The following CAMTA1 variants were observed in gnomAD, a reference collection of about 807,000 sequenced individuals.
CAMTA1 encodes calmodulin-binding transcription activator 1.
A neutral mutation model predicts 170.9 loss-of-function variants in CAMTA1; 27 were observed. The observed-to-expected ratio is 0.16, with a 90% CI of 0.12 to 0.22. The LOEUF (loss-of-function observed/expected upper bound fraction) is 0.22. Among genes scored for constraint, CAMTA1 ranks in the 10% least tolerant of loss-of-function variants. CAMTA1 has a pLI of 1.00. For missense variants in CAMTA1, 1,619 were observed against 2,217.2 expected (o/e 0.73, Z 5.42); for synonymous variants, 833 against 891.5 (o/e 0.93, Z 1.17).
At chr1:6,947,727 T>A (rs571421529) in intron 3 of CAMTA1, among the ~76,000 whole-genome samples, 2 of 152,320 alleles carry the variant, frequency 1.3e-5, no homozygotes, top group African/African-American at 4.8e-5. Context: ...TTTCAGAGTA[T>A]AAGTTTTGCA....
At chr1:7,079,514 C>T (rs1639739315) in intron 3 of CAMTA1, among the ~76,000 whole-genome samples, 1 of 152,004 alleles carries the variant, frequency 6.6e-6, no homozygotes, top group Non-Finnish European at 1.5e-5. Flanking sequence ...ACTCTGTCAT[C>T]CAGGCTGGAG....
chr1:7,618,499 ACTGACT>A (rs2095575448), intron 6 of CAMTA1, among the ~76,000 whole-genome samples: 1 of 152,192 alleles, frequency 6.6e-6, no homozygotes, highest in South Asian at 2.1e-4. Flanking sequence ...TGCCCCAAAG[ACTGACT>A]CTGTACTGTT....
intron 3 of CAMTA1, among the ~76,000 whole-genome samples, chr1:6,851,875 G>A (rs11582585): frequency 0.012 from 1,807 of 151,838 alleles, 11 homozygotes; most frequent in Middle Eastern, 0.02. Context: ...TTAGCCGGGC[G>A]TGGTGGTGCA....
At chr1:6,817,161 C>G (rs929343699) in intron 1 of CAMTA1, among the ~76,000 whole-genome samples, 4 of 152,158 alleles carry the variant, frequency 2.6e-5, no homozygotes, top group Admixed American at 2.6e-4. Context: ...GTATAAAAAT[C>G]CTTTTTTATG....
intron 6 of CAMTA1, among the ~76,000 whole-genome samples, chr1:7,638,050 T>C (rs974096188): frequency 3.9e-5 from 6 of 152,224 alleles, no homozygotes; most frequent in Non-Finnish European, 8.8e-5. Flanking sequence ...ACATTGGTCA[T>C]GGTGTGGTCT....
intron 6 of CAMTA1, among the ~76,000 whole-genome samples, chr1:7,544,762 A>G (rs928695179): frequency 1.3e-5 from 2 of 152,202 alleles, no homozygotes; most frequent in African/African-American, 2.4e-5. Flanking sequence ...GCTTCCACTC[A>G]TGGTGGAAGG....
intron 6 of CAMTA1, among the ~76,000 whole-genome samples, chr1:7,621,960 G>C (rs951083791): frequency 6.6e-6 from 1 of 152,220 alleles, no homozygotes; most frequent in Non-Finnish European, 1.5e-5. Context: ...GGGTGACCTC[G>C]TGTGACCTTG....
intron 5 of CAMTA1, among the ~76,000 whole-genome samples, chr1:7,431,115 G>T (rs1181540763): frequency 6.6e-6 from 1 of 152,226 alleles, no homozygotes; most frequent in East Asian, 1.9e-4. Context: ...GGAAGTGCAG[G>T]ACACTTTATG....
chr1:7,054,638 C>T (rs973992957), intron 3 of CAMTA1, among the ~76,000 whole-genome samples: 4 of 152,232 alleles, frequency 2.6e-5, no homozygotes, highest in African/African-American at 4.8e-5. Flanking sequence ...TGGCAGAGAG[C>T]GACTGAGGGG....
intron 11 of CAMTA1, among the ~76,000 whole-genome samples, chr1:7,724,397 T>C (rs2096669444): frequency 6.6e-6 from 1 of 152,210 alleles, no homozygotes; most frequent in Non-Finnish European, 1.5e-5. Context: ...ATATGGGAAC[T>C]CTACGATCTT....
chr1:7,002,528 A>G (rs1267182425), intron 3 of CAMTA1, among the ~76,000 whole-genome samples: 4 of 152,236 alleles, frequency 2.6e-5, no homozygotes, highest in African/African-American at 7.2e-5. Context: ...CACGGGGTCT[A>G]ATAAGAATAC....
At chr1:6,942,203 A>G (rs1290276440) in intron 3 of CAMTA1, among the ~76,000 whole-genome samples, 1 of 152,110 alleles carries the variant, frequency 6.6e-6, no homozygotes, top group African/African-American at 2.4e-5. Context: ...TTTTTAATCA[A>G]CTATGGCAAG....
chr1:7,414,570 T>C (rs1347911553), intron 5 of CAMTA1, among the ~76,000 whole-genome samples: 3 of 152,230 alleles, frequency 2.0e-5, no homozygotes, highest in African/African-American at 7.2e-5. Flanking sequence ...TATTCTCTGA[T>C]GGTATTTTGT....
intron 5 of CAMTA1, among the ~76,000 whole-genome samples, chr1:7,284,371 T>G (rs1445961194): frequency 6.6e-6 from 1 of 151,580 alleles, no homozygotes; most frequent in Non-Finnish European, 1.5e-5. Flanking sequence ...GCCCAGCTAA[T>G]TTTTGTATTT....
At position 6,887,518 on chromosome 1, in the gene CAMTA1, T is replaced by G; in HGVS notation, c.234+62308T>G. The G allele has an allele frequency of 7.5e-7, 1 of 1,329,290 alleles. No homozygotes were observed. The highest frequency in any genetic ancestry group is 1.5e-5 in the South Asian group (1 of 68,432). 82.3% of individuals were successfully genotyped at this position (1,329,290 alleles called of 1,614,324 possible). ...TTCATCTGTATACGTATGTGTGTGT[T>G]TAATATATACTTTAGTTTGCCTTTA... is the stretch of plus-strand genomic sequence containing the variant. On this transcript the variant is annotated intron_variant, in intron 3 of 22. Coordinates refer to ENST00000303635, the MANE Select transcript of CAMTA1 (RefSeq NM_015215.4). The surrounding 1 kb of genome is among the most constrained non-coding windows in gnomAD (Gnocchi z 4.1).
intron 7 of CAMTA1, among the ~76,000 whole-genome samples, chr1:7,651,534 C>T (rs1157208352): frequency 6.6e-6 from 1 of 152,274 alleles, no homozygotes; most frequent in Non-Finnish European, 1.5e-5. Flanking sequence ...TTCTGGAGTT[C>T]TCTCTGTCTC....
chr1:7,648,723 A>G (rs1006543276), intron 7 of CAMTA1, among the ~76,000 whole-genome samples: 4 of 152,194 alleles, frequency 2.6e-5, no homozygotes, highest in Non-Finnish European at 5.9e-5. Flanking sequence ...AGAAAGCCTG[A>G]GCAGAGACAA....
intron 3 of CAMTA1, among the ~76,000 whole-genome samples, chr1:6,964,525 T>G (rs1011895992): frequency 2.6e-5 from 4 of 152,170 alleles, no homozygotes; most frequent in African/African-American, 9.7e-5. Context: ...TGGCTGCCTC[T>G]CTCCCAGGTT....
At chr1:7,330,346 G>A (rs922789686) in intron 5 of CAMTA1, among the ~76,000 whole-genome samples, 4 of 152,168 alleles carry the variant, frequency 2.6e-5, no homozygotes, top group Non-Finnish European at 5.9e-5. Context: ...TGGACCACGC[G>A]GCAGGAAGAG....
Sources: gnomAD v4.1 joint callset for allele counts (sites outside exome capture counted in the v4.1 genomes callset) on GRCh38, gnomAD v4.1.1 for gene constraint, Gnocchi (gnomAD v3.1) non-coding constraint, MANE v1.5 for transcripts, NCBI Gene and HGNC (gene_info 2026-07-23, HGNC 2026-07-21) for gene names.